The following TMEM200A variants were observed in gnomAD, a reference collection of about 807,000 sequenced individuals.
The protein encoded by TMEM200A is transmembrane protein 200A.
A neutral mutation model predicts 24.3 loss-of-function variants in TMEM200A; 12 were observed. The observed-to-expected ratio is 0.49, with a 90% confidence interval of 0.32 to 0.80. The LOEUF (loss-of-function observed/expected upper bound fraction) is 0.80, where lower values mean the gene tolerates loss of function less well. Ranked by LOEUF, TMEM200A falls within the 30% of genes least tolerant of loss-of-function variation. TMEM200A has a pLI of 0.04. For synonymous variants in TMEM200A, 224 were observed against 224.4 expected (o/e 1.00, Z 0.02); for missense variants, 545 against 614.4 (o/e 0.89, Z 1.19).
intron 2 of TMEM200A, among the ~76,000 whole-genome samples, chr6:130,392,413 G>T (rs1197904737): frequency 6.6e-6 from 1 of 152,156 alleles, no homozygotes; most frequent in Non-Finnish European, 1.5e-5. Flanking sequence ...CCATTTCAGT[G>T]CAGTATGCAC....
intron 2 of TMEM200A, among the ~76,000 whole-genome samples, chr6:130,391,766 A>T (rs1778838709): frequency 1.7e-5 from 2 of 116,546 alleles, no homozygotes; most frequent in Non-Finnish European, 1.7e-5. Flanking sequence ...TTTTTGAGAC[A>T]GAGTCTCGCT....
At chr6:130,423,845 A>G (rs991515335) in intron 2 of TMEM200A, among the ~76,000 whole-genome samples, 2 of 152,120 alleles carry the variant, frequency 1.3e-5, no homozygotes, top group Non-Finnish European at 2.9e-5. Flanking sequence ...ATTAGGTGGT[A>G]TGTGTTTGTT....
chr6:130,369,802 A>T (rs1035040767), intron 1 of TMEM200A, among the ~76,000 whole-genome samples: 3 of 152,212 alleles, frequency 2.0e-5, no homozygotes, highest in African/African-American at 7.2e-5. Context: ...AAATCTAGAA[A>T]GGTGTAAGAT....
In TMEM200A at chr6:130,366,470, A is replaced by G; in HGVS notation, c.-135A>G. 1.0e-6 allele frequency: 1 copy of G among 985,648 alleles called. No individual in the cohort carries two copies. The highest frequency in any genetic ancestry group is 4.7e-5 in the South Asian group (1 of 21,266). 61.1% of individuals were successfully genotyped at this position (985,648 alleles called of 1,614,324 possible). On this transcript the variant is annotated 5_prime_UTR_variant, in exon 1 of 3. Coordinates refer to ENST00000296978, the MANE Select transcript of TMEM200A (RefSeq NM_001258277.2). The surrounding 1 kb of genome is among the most constrained non-coding windows in gnomAD (Gnocchi z 4.4). ...TCCCGACAGCTCCTGGAGTGAGACC[A>G]GGACTGAGAACAGGGAGAGGCGACC... is the stretch of plus-strand genomic sequence containing the variant.
intron 2 of TMEM200A, among the ~76,000 whole-genome samples, chr6:130,422,803 T>A (rs971722760): frequency 2.0e-5 from 3 of 152,186 alleles, no homozygotes; most frequent in Non-Finnish European, 2.9e-5. Flanking sequence ...TTTGGACCCT[T>A]TCAACCAACT....
intron 1 of TMEM200A, among the ~76,000 whole-genome samples, chr6:130,375,190 T>A (rs1190818092): frequency 1.3e-5 from 2 of 152,250 alleles, no homozygotes; most frequent in African/African-American, 4.8e-5. Context: ...CGTTCATTTG[T>A]TCAACAAATG....
At chr6:130,433,641 A>G (rs1275856283) in intron 2 of TMEM200A, among the ~76,000 whole-genome samples, 1 of 152,192 alleles carries the variant, frequency 6.6e-6, no homozygotes, top group Non-Finnish European at 1.5e-5. Context: ...ACATTTGTGG[A>G]TACCACATGG....
intron 1 of TMEM200A, among the ~76,000 whole-genome samples, chr6:130,374,412 G>GTTTTTT (rs1778395730): frequency 6.7e-6 from 1 of 148,400 alleles, no homozygotes; most frequent in Non-Finnish European, 1.5e-5. Flanking sequence ...TTTTGTTTTT[G>GTTTTTT]TTTTTGTTTT....
chr6:130,415,338 T>C (rs2115169563), intron 2 of TMEM200A, among the ~76,000 whole-genome samples: 1 of 152,288 alleles, frequency 6.6e-6, no homozygotes, highest in African/African-American at 2.4e-5. Context: ...AGAAGGTTCC[T>C]GTGTACCCTG....
At chr6:130,435,185 G>A (rs571179958) in intron 2 of TMEM200A, among the ~76,000 whole-genome samples, 9 of 151,982 alleles carry the variant, frequency 5.9e-5, no homozygotes, top group African/African-American at 1.4e-4. Context: ...AGGTCTTAAT[G>A]TGTTGCCCAG....
At chr6:130,369,778 CA>C (rs1225913037) in intron 1 of TMEM200A, among the ~76,000 whole-genome samples, 4 of 152,128 alleles carry the variant, frequency 2.6e-5, no homozygotes, top group Non-Finnish European at 5.9e-5. Context: ...GGTGAAATTC[CA>C]CAGAAGGCAT....
intron 2 of TMEM200A, among the ~76,000 whole-genome samples, chr6:130,397,747 C>A (rs1778984575): frequency 6.6e-6 from 1 of 151,408 alleles, no homozygotes; most frequent in South Asian, 2.1e-4. Context: ...GTCTTTTCAC[C>A]AGGCTTTTTA....
At chr6:130,379,592 A>G (rs1014083282) in intron 1 of TMEM200A, among the ~76,000 whole-genome samples, 4 of 152,202 alleles carry the variant, frequency 2.6e-5, no homozygotes, top group African/African-American at 9.7e-5. Flanking sequence ...CCACCCTCCA[A>G]TGTCAAACGG....
intron 2 of TMEM200A, among the ~76,000 whole-genome samples, chr6:130,407,675 A>C (rs1455928503): frequency 1.3e-5 from 2 of 152,236 alleles, no homozygotes; most frequent in Non-Finnish European, 2.9e-5. Context: ...GTAAGAGCCA[A>C]GAAGCTCCGA....
At chr6:130,414,600 T>C (rs563843485) in intron 2 of TMEM200A, among the ~76,000 whole-genome samples, 1 of 152,278 alleles carries the variant, frequency 6.6e-6, no homozygotes, top group East Asian at 1.9e-4. Flanking sequence ...TAAGAGTGCT[T>C]GTAAATACTG....
chr6:130,433,136 CTTT>C (rs34311658), intron 2 of TMEM200A, among the ~76,000 whole-genome samples: 11 of 138,366 alleles, frequency 7.9e-5, no homozygotes, highest in Admixed American at 1.5e-4. Context: ...AAAAGATGAT[CTTT>C]TTTTTTTTTT....
intron 1 of TMEM200A, among the ~76,000 whole-genome samples, chr6:130,373,616 T>C (rs1428201031): frequency 1.3e-5 from 2 of 152,228 alleles, no homozygotes. Context: ...ATATTTGATA[T>C]TATAAATGGC....
At chr6:130,429,655 T>C (rs1211897754) in intron 2 of TMEM200A, among the ~76,000 whole-genome samples, 1 of 151,978 alleles carries the variant, frequency 6.6e-6, no homozygotes, top group East Asian at 1.9e-4. Context: ...AACCATAAAA[T>C]TACCGGAAAG....
intron 2 of TMEM200A, among the ~76,000 whole-genome samples, chr6:130,398,528 T>C (rs562434186): frequency 9.7e-4 from 148 of 152,146 alleles, no homozygotes; most frequent in African/African-American, 3.3e-3. Context: ...CTGGGTTGAA[T>C]GGTAGTTCTA....
Sources: gnomAD v4.1 joint callset for allele counts (sites outside exome capture counted in the v4.1 genomes callset) on GRCh38, gnomAD v4.1.1 for gene constraint, Gnocchi (gnomAD v3.1) non-coding constraint, MANE v1.5 for transcripts, NCBI Gene and HGNC (gene_info 2026-07-23, HGNC 2026-07-21) for gene names.